The following KCNMA1 variants were observed in gnomAD, a reference collection of about 807,000 sequenced individuals.
KCNMA1 encodes potassium calcium-activated channel subfamily M alpha 1.
KCNMA1 carries 29 observed loss-of-function variants against 140.0 expected under a neutral mutation model. The ratio of observed to expected loss-of-function variants is 0.21; its 90% CI spans 0.15 to 0.28. The LOEUF (loss-of-function observed/expected upper bound fraction) is 0.28. Among genes scored for constraint, KCNMA1 ranks in the 10% least tolerant of loss-of-function variants. KCNMA1 has a pLI of 1.00. For synonymous variants in KCNMA1, 612 were observed against 611.9 expected, an observed-to-expected ratio of 1.00 and a Z score of 0.00; for missense variants, 880 against 1,602.2, an observed-to-expected ratio of 0.55 and a Z score of 7.70.
chr10:77,428,259 TG>T (rs2097069792), intron 1 of KCNMA1, among the ~76,000 whole-genome samples: 1 of 152,190 alleles, frequency 6.6e-6, no homozygotes, highest in Non-Finnish European at 1.5e-5. Flanking sequence ...AGTGCAGAGC[TG>T]GGGTGACAGA....
chr10:77,187,745 C>T (rs1360930037), intron 3 of KCNMA1, among the ~76,000 whole-genome samples: 1 of 152,086 alleles, frequency 6.6e-6, no homozygotes, highest in South Asian at 2.1e-4. Flanking sequence ...TTAGCTATTT[C>T]CTGCTTGCCA....
chr10:76,909,262 C>T (rs1028545474), intron 25 of KCNMA1, among the ~76,000 whole-genome samples: 1 of 152,144 alleles, frequency 6.6e-6, no homozygotes, highest in Non-Finnish European at 1.5e-5. Flanking sequence ...GAGCTCCATC[C>T]ACCTCCCTCG....
chr10:77,288,068 C>T (rs1171618996), intron 2 of KCNMA1, among the ~76,000 whole-genome samples: 1 of 152,230 alleles, frequency 6.6e-6, no homozygotes, highest in Non-Finnish European at 1.5e-5. Flanking sequence ...TAACTATGGA[C>T]TTCCCCTCAT....
chr10:77,229,286 CA>C (rs1405941273), intron 3 of KCNMA1, among the ~76,000 whole-genome samples: 1 of 135,414 alleles, frequency 7.4e-6, no homozygotes, highest in African/African-American at 2.8e-5. Flanking sequence ...AAACATATTG[CA>C]ATTTGGGTAT....
chr10:77,020,521 C>A (rs1483844889), intron 16 of KCNMA1: 3 of 152,230 alleles, frequency 2.0e-5, no homozygotes, highest in Non-Finnish European at 1.5e-5. Flanking sequence ...CAACCACAGG[C>A]AGCAGTGAGA....
chr10:77,380,257 C>T (rs2095335585), intron 2 of KCNMA1, among the ~76,000 whole-genome samples: 2 of 152,188 alleles, frequency 1.3e-5, no homozygotes, highest in African/African-American at 4.8e-5. Flanking sequence ...TCAATTTCTG[C>T]TTGACTGCTA....
At chr10:77,022,744 C>T (rs925224754) in intron 16 of KCNMA1, among the ~76,000 whole-genome samples, 1 of 152,078 alleles carries the variant, frequency 6.6e-6, no homozygotes, top group Admixed American at 6.6e-5. Flanking sequence ...ATAAGTTTTC[C>T]TTTTTTTCAC....
intron 1 of KCNMA1, among the ~76,000 whole-genome samples, chr10:77,615,581 T>C (rs1328656231): frequency 2.0e-5 from 3 of 152,170 alleles, no homozygotes; most frequent in African/African-American, 4.8e-5. Context: ...GCCTCGCCCC[T>C]GAGTTAACCC....
rs1158260836 is a variant in KCNMA1, at chr10:76,885,709, G to A, written c.*1557C>T. 3.0e-6 allele frequency: 3 copies of A among 985,202 alleles called. No homozygotes were observed. The highest frequency in any genetic ancestry group is 3.6e-6 in the Non-Finnish European group (3 of 829,914). The allele number at this position is 985,202 out of a possible 1,614,324, so 61.0% of individuals were successfully genotyped here. On this transcript the variant is annotated 3_prime_UTR_variant, in exon 28 of 28. Transcript: ENST00000286628. ...CCATCCATAAGGGAAATTGGTTATG[G>A]TGAATTGGCCAGTTTTTAAGAAATA... is the stretch of plus-strand genomic sequence containing the variant.
At position 77,439,137 on chromosome 10, in the gene KCNMA1, GA is replaced by G. The variant is rs1566858040; in HGVS notation, c.379-35115del. On this transcript the variant is annotated intron_variant, in intron 1 of 27. Coordinates refer to ENST00000286628, the MANE Select transcript of KCNMA1 (RefSeq NM_001161352.2). ...GAAGAGAAGAGAAGAGAAGAGAAGA[GA>G]AGAGAAGAGAAAAGAGAAGAGAAGA... Among the ~76,000 whole-genome samples, 10 of 142,202 alleles carry G rather than the reference GA, an allele frequency of 7.0e-5. No homozygotes were observed. The East Asian group carries it at 1.1e-3, about 15-fold the overall frequency. 93.3% of individuals were successfully genotyped at this position (142,202 alleles called of 152,430 possible).
intron 3 of KCNMA1, among the ~76,000 whole-genome samples, chr10:77,200,848 G>A (rs192684435): frequency 6.6e-6 from 1 of 152,210 alleles, no homozygotes; most frequent in Admixed American, 6.5e-5. Context: ...TCACACCCAG[G>A]CACATAGAAA....
chr10:77,506,422 TAGAG>T (rs1374585261), intron 1 of KCNMA1, among the ~76,000 whole-genome samples: 1 of 152,020 alleles, frequency 6.6e-6, no homozygotes, highest in African/African-American at 2.4e-5. Flanking sequence ...TTCTTATACT[TAGAG>T]AGAAACCAAG....
chr10:77,431,755 T>C (rs2097159197), intron 1 of KCNMA1, among the ~76,000 whole-genome samples: 1 of 146,648 alleles, frequency 6.8e-6, no homozygotes, highest in African/African-American at 2.5e-5. Flanking sequence ...CCCAAAACTT[T>C]GGGAAGCCGA....
At chr10:77,023,071 G>T in intron 16 of KCNMA1, 1 of 368,284 alleles carries the variant, frequency 2.7e-6, no homozygotes, top group South Asian at 2.0e-5. Context: ...CCTCTATCAG[G>T]TCCCTCCATG....
intron 1 of KCNMA1, 182 bp downstream of exon 1, chr10:77,637,083 C>A: frequency 2.3e-6 from 3 of 1,327,794 alleles, no homozygotes; most frequent in Non-Finnish European, 3.0e-6. Flanking sequence ...TCACCCCCGG[C>A]GCGCCGCCCG....
At chr10:76,993,367 A>G (rs960235151) in intron 19 of KCNMA1, among the ~76,000 whole-genome samples, 5 of 152,208 alleles carry the variant, frequency 3.3e-5, no homozygotes, top group South Asian at 2.1e-4. Context: ...TCTTCCTCCA[A>G]TAAGAAGGAA....
At chr10:77,034,863 A>G (rs2094207022) in intron 15 of KCNMA1, among the ~76,000 whole-genome samples, 1 of 152,206 alleles carries the variant, frequency 6.6e-6, no homozygotes, top group Non-Finnish European at 1.5e-5. Flanking sequence ...GATACAATTA[A>G]GCTTTTATAT....
chr10:77,539,446 T>C (rs1332518348), intron 1 of KCNMA1, among the ~76,000 whole-genome samples: 2 of 152,118 alleles, frequency 1.3e-5, no homozygotes, highest in Non-Finnish European at 2.9e-5. Flanking sequence ...ACCCAGATAA[T>C]GGAGCATGGA....
chr10:77,424,487 G>T (rs1449935480), intron 1 of KCNMA1, among the ~76,000 whole-genome samples: 5 of 148,890 alleles, frequency 3.4e-5, no homozygotes, highest in African/African-American at 1.0e-4. Context: ...GAAGCCTGGG[G>T]CTAGGAATGA....
Sources: allele counts gnomAD v4.1 joint callset (sites outside exome capture counted in the v4.1 genomes callset), GRCh38; gene constraint gnomAD v4.1.1; transcripts MANE v1.5; gene names NCBI Gene and HGNC (gene_info 2026-07-23, HGNC 2026-07-21).